Variants in MERTK observed in about 807,000 individuals in gnomAD.
The protein encoded by MERTK is tyrosine-protein kinase Mer.
A neutral mutation model predicts 99.3 loss-of-function variants in MERTK; 69 were observed. The ratio of observed to expected loss-of-function variants is 0.70; its 90% CI spans 0.57 to 0.85. The LOEUF (loss-of-function observed/expected upper bound fraction) is 0.85. MERTK is among the 40% of genes least tolerant of loss of function. The pLI is 0.00. For synonymous variants in MERTK, 426 were observed against 467.6 expected (o/e 0.91, Z 1.15); for missense variants, 1,125 against 1,249.4 (o/e 0.90, Z 1.50).
At chr2:112,001,346 A>G (rs540615970) in intron 11 of MERTK, 60 bp downstream of exon 11, 1 of 1,289,402 alleles carries the variant, frequency 7.8e-7, no homozygotes, top group East Asian at 2.3e-5. Context: ...ACAAAGAAGG[A>G]TCAATAGACA....
chr2:112,026,957 C>T (rs569604604), intron 18 of MERTK, among the ~76,000 whole-genome samples: 37 of 150,794 alleles, frequency 2.5e-4, no homozygotes, highest in African/African-American at 5.9e-4. Flanking sequence ...TGTCCAATGA[C>T]GTATGAATTA....
Position 111,898,790 on chromosome 2 carries a change from C to T in MERTK, c.55C>T (p.Arg19Cys). 6.3e-7 allele frequency: 1 copy of T among 1,595,080 alleles called. No homozygotes were observed. The change falls in exon 1 of 19, where the codon CGT becomes TGT. Residue 19 changes from arginine (R) to cysteine (C), a missense_variant. By Grantham distance (180) the Arg-to-Cys change is radical. Transcript: ENST00000295408. The stretch of plus-strand genomic sequence containing the variant: ...GGGCCTCTTCCTCCCCGCGCTCTGG[C>T]GTAGAGGTGAGTGCGCCCGGCTGGG... ...LLGLFLPALWRRAITEAREEA... is the reference protein window; with the variant it reads ...LLGLFLPALWCRAITEAREEA...
intron 4 of MERTK, among the ~76,000 whole-genome samples, chr2:111,955,233 C>T (rs1239837429): frequency 6.6e-6 from 1 of 152,166 alleles, no homozygotes; most frequent in Non-Finnish European, 1.5e-5. Context: ...CCTCTTGATA[C>T]AAGTTTTTAT....
At chr2:111,939,535 G>T (rs773829975) in intron 2 of MERTK, among the ~76,000 whole-genome samples, 50 of 151,790 alleles carry the variant, frequency 3.3e-4, no homozygotes, top group African/African-American at 1.1e-3. Context: ...AGGCTGCAGT[G>T]CAGTGTGCGA....
intron 4 of MERTK, among the ~76,000 whole-genome samples, chr2:111,960,441 A>G (rs1408235122): frequency 1.4e-5 from 2 of 145,762 alleles, no homozygotes; most frequent in East Asian, 4.1e-4. Flanking sequence ...AGATCATGCC[A>G]TTGCCCTCCA....
intron 1 of MERTK, among the ~76,000 whole-genome samples, chr2:111,923,909 C>CCCTTGGGTCCAAAA (rs560602606): frequency 5.0e-4 from 76 of 152,308 alleles, no homozygotes; most frequent in African/African-American, 1.8e-3. Flanking sequence ...ATTGCCCAAA[C>CCCTTGGGTCCAAAA]CCTTGGGTCC....
intron 12 of MERTK, 82 bp downstream of exon 12, chr2:112,003,269 A>C: frequency 1.4e-6 from 1 of 721,818 alleles, no homozygotes; most frequent in East Asian, 2.8e-5. Context: ...ATATTTATTA[A>C]ATAAAATAGC....
intron 4 of MERTK, among the ~76,000 whole-genome samples, chr2:111,957,863 A>G (rs1685178838): frequency 6.6e-6 from 1 of 152,202 alleles, no homozygotes; most frequent in South Asian, 2.1e-4. Flanking sequence ...AGAATTGTTT[A>G]TCTAGTTAAT....
At chr2:112,022,527 G>A (rs574276182) in intron 18 of MERTK, 133 bp downstream of exon 18, 226 of 1,334,338 alleles carry the variant, frequency 1.7e-4, no homozygotes, top group Middle Eastern at 1.3e-3. Context: ...CAGAGGGGTG[G>A]AACCCACAGA....
At chr2:112,008,324 C>T in intron 13 of MERTK, 59 bp from the exon 14 acceptor site, 3 of 1,307,300 alleles carry the variant, frequency 2.3e-6, no homozygotes, top group East Asian at 4.6e-5. Context: ...CTGTTGCCCA[C>T]CCACTCCCCT....
In MERTK at chr2:111,965,160, T is replaced by C. The variant is rs773636341; in HGVS notation, c.758-31T>C. 3.8e-6 allele frequency: 6 copies of C among 1,593,824 alleles called. No homozygotes were observed. The South Asian group carries it at 6.6e-5, about 18-fold the overall frequency. ...AGTGAACAGCAGCCTGTTTCTCTGC[T>C]GCTGGTCTCATGAGTCTCCTTCCAT... On this transcript the variant is annotated intron_variant, in intron 4 of 18. Transcript: ENST00000295408.
chr2:111,998,123 G>A (rs996370545), intron 10 of MERTK, among the ~76,000 whole-genome samples: 3 of 152,178 alleles, frequency 2.0e-5, no homozygotes, highest in Admixed American at 6.5e-5. Context: ...TGCCATAGGC[G>A]TGGGAAGGGC....
At chr2:112,002,173 C>T (rs1676882975) in intron 11 of MERTK, among the ~76,000 whole-genome samples, 2 of 152,002 alleles carry the variant, frequency 1.3e-5, no homozygotes, top group Non-Finnish European at 2.9e-5. Context: ...TGGTTAATTT[C>T]TCTTGTTGCC....
chr2:111,921,265 G>C (rs187965685), intron 1 of MERTK, among the ~76,000 whole-genome samples: 2 of 152,168 alleles, frequency 1.3e-5, no homozygotes, highest in South Asian at 2.1e-4. Flanking sequence ...TTTGGGAGGT[G>C]AAGGCGGGCA....
rs137914089 is a variant in MERTK at position 111,914,438 on chromosome 2, C to T, written c.62-14682C>T. Among the ~76,000 whole-genome samples the T allele has an allele frequency of 3.1e-3, 464 of 152,110 alleles. 11 individuals carry two copies. The East Asian group carries it at 0.066, about 22-fold the overall frequency. On this transcript the variant is annotated intron_variant, in intron 1 of 18. Transcript: ENST00000295408. ...GACTGCAGGTGTGAGCCACTGCGCCCGGCCTAATTTTTGTATTTTTAGTAG... is the reference window on the plus strand; with the variant it reads ...GACTGCAGGTGTGAGCCACTGCGCCTGGCCTAATTTTTGTATTTTTAGTAG...
intron 1 of MERTK, among the ~76,000 whole-genome samples, chr2:111,902,880 G>C (rs891454881): frequency 2.1e-5 from 3 of 140,852 alleles, no homozygotes; most frequent in South Asian, 2.5e-4. Context: ...CCAGGTTCAA[G>C]CAATTCTCCT....
chr2:111,986,201 C>T (rs1455452997), intron 8 of MERTK, among the ~76,000 whole-genome samples: 1 of 152,220 alleles, frequency 6.6e-6, no homozygotes, highest in Non-Finnish European at 1.5e-5. Flanking sequence ...AAGTAGCAAT[C>T]CTGCTTAAAA....
At chr2:111,999,865 TC>T (rs1252526672) in intron 10 of MERTK, among the ~76,000 whole-genome samples, 1 of 152,176 alleles carries the variant, frequency 6.6e-6, no homozygotes, top group African/African-American at 2.4e-5. Context: ...AGTGGAGTTA[TC>T]CAATATCCAA....
intron 6 of MERTK, among the ~76,000 whole-genome samples, chr2:111,969,033 G>C (rs1676020871): frequency 6.6e-6 from 1 of 152,140 alleles, no homozygotes; most frequent in Non-Finnish European, 1.5e-5. Context: ...CAGGCCTTGT[G>C]GAATCTTCAG....
Sources: gnomAD v4.1 joint callset for allele counts (sites outside exome capture counted in the v4.1 genomes callset) on GRCh38, gnomAD v4.1.1 for gene constraint, MANE v1.5 for transcripts, NCBI Gene and HGNC (gene_info 2026-07-23, HGNC 2026-07-21) for gene names.